SOX5: variants seen among roughly 807,000 people sequenced by gnomAD.
SOX5 encodes the protein transcription factor SOX-5.
Under a neutral mutation model 92.0 loss-of-function variants are expected in SOX5, and 9 were observed. The observed-to-expected ratio is 0.10, with a 90% CI of 0.06 to 0.17. The LOEUF (loss-of-function observed/expected upper bound fraction) is 0.17. Among genes scored for constraint, SOX5 ranks in the 10% least tolerant of loss-of-function variants. The probability of loss-of-function intolerance (pLI) is 1.00; values close to 1 mark genes in which losing one functional copy is unlikely to be tolerated. For missense variants in SOX5, 642 were observed against 944.5 expected, an observed-to-expected ratio of 0.68 and a Z score of 4.20; for synonymous variants, 344 against 336.3, an observed-to-expected ratio of 1.02 and a Z score of -0.25.
chr12:24,538,209 C>A (rs1169536381), intron 1 of SOX5, among the ~76,000 whole-genome samples: 1 of 152,138 alleles, frequency 6.6e-6, no homozygotes, highest in Non-Finnish European at 1.5e-5. Flanking sequence ...TTAACCCAGA[C>A]GCTGAAGTGC....
At chr12:23,979,698 GTTTTTTTTGTTTTTTTTTTT>G (rs1278104226) in intron 4 of SOX5, among the ~76,000 whole-genome samples, 7 of 64,692 alleles carry the variant, frequency 1.1e-4, no homozygotes, top group Admixed American at 6.2e-4. Flanking sequence ...ATATATATAT[GTTTTTTTTGTTTTTTTTTTT>G]TTTTTTTTTT....
intron 3 of SOX5, among the ~76,000 whole-genome samples, chr12:23,782,942 A>C (rs1232676370): frequency 6.6e-6 from 1 of 152,056 alleles, no homozygotes; most frequent in Non-Finnish European, 1.5e-5. Flanking sequence ...AAATTTAATA[A>C]ATATTCTGTA....
intron 7 of SOX5, among the ~76,000 whole-genome samples, chr12:23,661,100 C>A (rs2082981110): frequency 6.6e-6 from 1 of 152,160 alleles, no homozygotes; most frequent in South Asian, 2.1e-4. Context: ...ATCAAGCCAG[C>A]TCTTTTATAA....
chr12:24,070,766 C>T (rs975574152), intron 4 of SOX5, among the ~76,000 whole-genome samples: 1 of 152,074 alleles, frequency 6.6e-6, no homozygotes, highest in Non-Finnish European at 1.5e-5. Context: ...CTTAAGTGTA[C>T]AGCTCAAACA....
At chr12:23,817,047 C>T (rs375008597) in intron 3 of SOX5, among the ~76,000 whole-genome samples, 8 of 152,224 alleles carry the variant, frequency 5.3e-5, no homozygotes, top group African/African-American at 1.9e-4. Flanking sequence ...CTATTTTGTC[C>T]CATATTTGTG....
chr12:24,251,686 C>T (rs1268712753), intron 3 of SOX5, among the ~76,000 whole-genome samples: 17 of 151,814 alleles, frequency 1.1e-4, no homozygotes, highest in Admixed American at 7.9e-4. Context: ...ATTCTCCTGC[C>T]TCAGCCTCCC....
intron 3 of SOX5, among the ~76,000 whole-genome samples, chr12:24,254,316 C>A (rs1254463901): frequency 6.6e-6 from 1 of 151,368 alleles, no homozygotes; most frequent in African/African-American, 2.4e-5. Flanking sequence ...ATCTCTATTG[C>A]AATCCATTAG....
chr12:24,035,828 C>T (rs1161480677), intron 4 of SOX5, among the ~76,000 whole-genome samples: 1 of 151,924 alleles, frequency 6.6e-6, no homozygotes, highest in Non-Finnish European at 1.5e-5. Context: ...TGTACAGTAC[C>T]AAAATCTCAG....
At chr12:24,459,041 G>T (rs1052109321) in intron 1 of SOX5, among the ~76,000 whole-genome samples, 1 of 152,100 alleles carries the variant, frequency 6.6e-6, no homozygotes, top group African/African-American at 2.4e-5. Flanking sequence ...ACCTGATCCC[G>T]ACCAAAACTC....
intron 6 of SOX5, among the ~76,000 whole-genome samples, chr12:23,671,211 T>C (rs892677261): frequency 6.6e-6 from 1 of 152,152 alleles, no homozygotes; most frequent in Non-Finnish European, 1.5e-5. Flanking sequence ...TTGTTTAAAT[T>C]ACATACACAA....
At chr12:23,820,634 C>G (rs2096090606) in intron 3 of SOX5, among the ~76,000 whole-genome samples, 1 of 152,150 alleles carries the variant, frequency 6.6e-6, no homozygotes, top group Non-Finnish European at 1.5e-5. Flanking sequence ...TTTCAGTTTT[C>G]TGCATATGGC....
At chr12:24,234,598 G>A (rs995924587) in intron 3 of SOX5, among the ~76,000 whole-genome samples, 4 of 152,060 alleles carry the variant, frequency 2.6e-5, no homozygotes, top group Non-Finnish European at 4.4e-5. Context: ...GGCTGGTCTC[G>A]AATTCCTGAC....
At chr12:23,564,796 C>T in intron 10 of SOX5, among the ~76,000 whole-genome samples, 1 of 152,184 alleles carries the variant, frequency 6.6e-6, no homozygotes, top group East Asian at 1.9e-4. Context: ...CTAATCATGT[C>T]AGATTACACA....
intron 1 of SOX5, among the ~76,000 whole-genome samples, chr12:23,900,018 G>C (rs946667570): frequency 6.6e-6 from 1 of 152,074 alleles, no homozygotes; most frequent in African/African-American, 2.4e-5. Flanking sequence ...AAGGAAAAAG[G>C]ATAAACAAAA....
chr12:24,331,742 G>A (rs953040070), intron 2 of SOX5, among the ~76,000 whole-genome samples: 1 of 150,870 alleles, frequency 6.6e-6, no homozygotes, highest in Non-Finnish European at 1.5e-5. Flanking sequence ...CAGCTACTTG[G>A]GAGGCTGAGG....
intron 4 of SOX5, among the ~76,000 whole-genome samples, chr12:23,748,848 C>T (rs2094089118): frequency 6.6e-6 from 1 of 151,884 alleles, no homozygotes; most frequent in African/African-American, 2.4e-5. Context: ...TTTTAATATT[C>T]CGCCTAATGA....
chr12:24,396,460 T>C (rs1959994507), intron 1 of SOX5, among the ~76,000 whole-genome samples: 1 of 152,236 alleles, frequency 6.6e-6, no homozygotes, highest in Non-Finnish European at 1.5e-5. Flanking sequence ...AGTGGCCGAA[T>C]GAAATATTCA....
At chr12:23,962,785 C>G (rs1032475260) in intron 4 of SOX5, among the ~76,000 whole-genome samples, 8 of 152,050 alleles carry the variant, frequency 5.3e-5, no homozygotes, top group African/African-American at 1.9e-4. Context: ...TATTTTTGAT[C>G]TAAAAATATT....
At chr12:23,882,312 A>G (rs1472609000) in intron 2 of SOX5, among the ~76,000 whole-genome samples, 1 of 152,118 alleles carries the variant, frequency 6.6e-6, no homozygotes, top group Non-Finnish European at 1.5e-5. Flanking sequence ...TACCTCTAAA[A>G]TCCCTGAATG....
Sources: allele counts gnomAD v4.1 joint callset (sites outside exome capture counted in the v4.1 genomes callset), GRCh38; gene constraint gnomAD v4.1.1; transcripts MANE v1.5; gene names NCBI Gene and HGNC (gene_info 2026-07-23, HGNC 2026-07-21).